The following VNN1 variants were observed in gnomAD, a reference collection of about 807,000 sequenced individuals.
VNN1 encodes the protein pantetheinase.
In VNN1, 29 loss-of-function variants were observed where a neutral mutation model predicts 41.9. The ratio of observed to expected loss-of-function variants is 0.69; its 90% CI spans 0.52 to 0.94. The LOEUF is 0.94. VNN1 is among the 40% of genes least tolerant of loss of function. VNN1 has a pLI of 0.00. For missense variants in VNN1, 637 were observed against 621.1 expected (o/e 1.03, Z -0.27); for synonymous variants, 233 against 224.4 (o/e 1.04, Z -0.34).
chr6:132,712,262 G>C (rs143995261), intron 1 of VNN1, among the ~76,000 whole-genome samples: 3 of 150,790 alleles, frequency 2.0e-5, no homozygotes, highest in Admixed American at 1.3e-4. Context: ...CGATTCTCCC[G>C]CCTCAGCCTC....
In VNN1 at chr6:132,713,916, G is replaced by A; in HGVS notation, c.120C>T (p.Thr40=). The A allele has an allele frequency of 6.2e-7, 1 of 1,614,068 alleles. No homozygotes were observed. Among genetic ancestry groups the A allele is most frequent in the Non-Finnish European group, 8.5e-7 (1 of 1,180,018 alleles). The change falls in exon 1 of 7, where the codon ACC becomes ACT. Residue 40 remains threonine (T), a synonymous_variant. Transcript: ENST00000367928. ...CCTCCTCACGAGACACTGGTGTTAG[G>A]GTGGCATTGGGCAATATCGCTGCAT... ...YEHAAILPNA[T]LTPVSREEAL... is the part of the protein sequence containing the mutation.
intron 2 of VNN1, among the ~76,000 whole-genome samples, chr6:132,706,222 A>C (rs1189853199): frequency 6.6e-6 from 1 of 152,186 alleles, no homozygotes; most frequent in Admixed American, 6.5e-5. Context: ...AAAGAAAAAA[A>C]ACTGGAGAAA....
chr6:132,703,776 G>T (rs1355140332), intron 2 of VNN1, among the ~76,000 whole-genome samples: 5 of 151,388 alleles, frequency 3.3e-5, no homozygotes, highest in African/African-American at 1.2e-4. Context: ...GGATAAAAAA[G>T]AAAAAAAATC....
At chr6:132,689,155 G>A (rs1055501696) in intron 5 of VNN1, among the ~76,000 whole-genome samples, 1 of 151,998 alleles carries the variant, frequency 6.6e-6, no homozygotes, top group Non-Finnish European at 1.5e-5. Context: ...CAAAGTGCTG[G>A]GATTACAGGC....
At position 132,711,777 on chromosome 6, in the gene VNN1, A is replaced by G. The variant is rs1346397923; in HGVS notation, c.273T>C (p.Ser91=). 1 of 1,613,992 alleles carries G rather than the reference A, an allele frequency of 6.2e-7. No homozygotes were observed. The highest frequency in any genetic ancestry group is 8.5e-7 in the Non-Finnish European group (1 of 1,179,932). ...AIYGWNFNRD[S]LYPYLEDIPD... ...GGATGTCCTCCAAATATGGGTAGAG[A>G]GAGTCCCTGTTGAAGTTCCAGCCAT... is the stretch of plus-strand genomic sequence containing the variant. The change falls in exon 2 of 7, where the codon TCT becomes TCC. Residue 91 remains serine (S), a synonymous_variant. Coordinates refer to ENST00000367928, the MANE Select transcript of VNN1 (RefSeq NM_004666.3).
In VNN1 at chr6:132,681,731, A is replaced by G. The variant is rs1778125392; in HGVS notation, c.*1409T>C. ...TACATTATGGGCTTTCTTATTTTCT[A>G]TTAGGTCTTGAAAAAAAGCAAATGT... On this transcript the variant is annotated 3_prime_UTR_variant, in exon 7 of 7. Transcript: ENST00000367928. 6.6e-6 allele frequency: 1 copy of G among 152,566 alleles called. No individual in the cohort carries two copies. Among genetic ancestry groups the G allele is most frequent in the African/African-American group, 2.4e-5 (1 of 41,428 alleles). 9.5% of individuals were successfully genotyped at this position (152,566 alleles called of 1,614,324 possible). A position where few individuals can be genotyped will look rare whatever the true frequency, so the allele number is the denominator to read the frequency against.
intron 2 of VNN1, among the ~76,000 whole-genome samples, chr6:132,701,991 C>T (rs1778454647): frequency 1.3e-5 from 2 of 152,334 alleles, no homozygotes; most frequent in South Asian, 4.1e-4. Context: ...TTGTCCTACC[C>T]AGCAGTCAGA....
chr6:132,690,719 C>T (rs534049205), intron 5 of VNN1, among the ~76,000 whole-genome samples: 18 of 152,110 alleles, frequency 1.2e-4, no homozygotes, highest in South Asian at 1.0e-3. Flanking sequence ...TTTGCTAAAA[C>T]GAAAAAGTAT....
At chr6:132,687,236 A>G (rs1177231163) in intron 5 of VNN1, among the ~76,000 whole-genome samples, 5 of 152,246 alleles carry the variant, frequency 3.3e-5, no homozygotes, top group African/African-American at 1.2e-4. Context: ...AAATACATTC[A>G]CAATCCTGAA....
intron 1 of VNN1, among the ~76,000 whole-genome samples, chr6:132,713,474 G>C (rs1235608988): frequency 6.6e-6 from 1 of 152,102 alleles, no homozygotes; most frequent in Non-Finnish European, 1.5e-5. Context: ...GTACATGAAG[G>C]CCACTAATAC....
intron 5 of VNN1, among the ~76,000 whole-genome samples, chr6:132,691,833 A>G (rs1371516038): frequency 6.6e-6 from 1 of 151,988 alleles, no homozygotes; most frequent in Non-Finnish European, 1.5e-5. Context: ...CTCTGTCTCT[A>G]CTAAAATACA....
intron 5 of VNN1, among the ~76,000 whole-genome samples, chr6:132,685,096 G>A (rs1350041210): frequency 2.0e-5 from 3 of 152,234 alleles, no homozygotes; most frequent in Non-Finnish European, 4.4e-5. Flanking sequence ...CTTCAGAGTT[G>A]TAATGAGCCC....
At chr6:132,683,344 G>T (rs1582765496) in intron 6 of VNN1, 22 bp from the exon 7 acceptor site, 5 of 1,597,864 alleles carry the variant, frequency 3.1e-6, no homozygotes, top group Non-Finnish European at 4.3e-6. Flanking sequence ...AAAAAAGTAG[G>T]CAAAGGCTAC....
Position 132,681,632 on chromosome 6 carries a change from T to C in VNN1, c.*1508A>G, listed in dbSNP as rs1470151614. ...ATAATTCAAGCCTATCACCAACACA[T>C]CAATATGTTTTCTGTTTTACATTGA... is the stretch of plus-strand genomic sequence containing the variant. On this transcript the variant is annotated 3_prime_UTR_variant, in exon 7 of 7. Coordinates refer to ENST00000367928, the MANE Select transcript of VNN1 (RefSeq NM_004666.3). 2 of 152,554 alleles carry C rather than the reference T, an allele frequency of 1.3e-5. No homozygotes were observed. The highest frequency in any genetic ancestry group is 2.9e-5 in the Non-Finnish European group (2 of 68,034). The allele number at this position is 152,554 out of a possible 1,614,324, so 9.5% of individuals were successfully genotyped here.
rs747486883 is a variant in VNN1 at position 132,684,377 on chromosome 6, C to T, written c.1317G>A (p.Glu439=). Residue 439 remains glutamate (E), a synonymous_variant, in exon 6 of 7, where the codon GAG becomes GAA. Coordinates refer to ENST00000367928, the MANE Select transcript of VNN1 (RefSeq NM_004666.3). The part of the protein sequence containing the change: ...GTFGTQYVFP[E]VLLSENQLAP... ...CAAGCTGATTTTCACTCAGCAACAC[C>T]TCAGGAAAGACATACTGGGTTCCGA... The T allele has an allele frequency of 1.2e-6, 2 of 1,613,732 alleles. No homozygotes were observed. Among genetic ancestry groups the T allele is most frequent in the Non-Finnish European group, 1.7e-6 (2 of 1,179,774 alleles).
chr6:132,695,042 C>T (rs919221548), intron 2 of VNN1, among the ~76,000 whole-genome samples: 1 of 152,146 alleles, frequency 6.6e-6, no homozygotes, highest in Non-Finnish European at 1.5e-5. Context: ...ATCCCAGCTA[C>T]TCAAGAGGCT....
intron 2 of VNN1, among the ~76,000 whole-genome samples, chr6:132,705,421 C>A (rs758313215): frequency 2.0e-4 from 30 of 152,116 alleles, no homozygotes; most frequent in Non-Finnish European, 4.0e-4. Flanking sequence ...AGAACAAAAA[C>A]CAAATGGTCA....
At chr6:132,702,901 G>C (rs777086297) in intron 2 of VNN1, among the ~76,000 whole-genome samples, 1 of 152,158 alleles carries the variant, frequency 6.6e-6, no homozygotes, top group Non-Finnish European at 1.5e-5. Context: ...GGCTTGGGTG[G>C]GACCCAGTAC....
intron 5 of VNN1, 50 bp downstream of exon 5, chr6:132,692,173 A>C: frequency 6.7e-7 from 1 of 1,500,750 alleles, no homozygotes; most frequent in Non-Finnish European, 8.9e-7. Flanking sequence ...TGTATATTTA[A>C]CTGAGTGTCT....
Sources: gnomAD v4.1 joint callset for allele counts (sites outside exome capture counted in the v4.1 genomes callset) on GRCh38, gnomAD v4.1.1 for gene constraint, MANE v1.5 for transcripts, NCBI Gene and HGNC (gene_info 2026-07-23, HGNC 2026-07-21) for gene names.